The following PDE4D variants were observed in gnomAD, a reference collection of about 807,000 sequenced individuals.
PDE4D encodes the protein 3',5'-cyclic-AMP phosphodiesterase 4D.
A neutral mutation model predicts 87.4 loss-of-function variants in PDE4D; 24 were observed. The observed-to-expected ratio is 0.27, with a 90% CI of 0.20 to 0.39. The LOEUF is 0.39. PDE4D is among the 10% of genes least tolerant of loss of function. PDE4D has a pLI of 1.00. For synonymous variants in PDE4D, 384 were observed against 383.2 expected, an observed-to-expected ratio of 1.00 and a Z score of -0.02; for missense variants, 714 against 1,041.0, an observed-to-expected ratio of 0.69 and a Z score of 4.32.
chr5:60,347,740 T>A (rs1202383985), intron 1 of PDE4D, among the ~76,000 whole-genome samples: 1 of 152,072 alleles, frequency 6.6e-6, no homozygotes, highest in Non-Finnish European at 1.5e-5. Flanking sequence ...TCAGCCCACC[T>A]CTCATACCCT....
At chr5:59,786,359 A>G (rs1337349758) in intron 1 of PDE4D, among the ~76,000 whole-genome samples, 2 of 152,192 alleles carry the variant, frequency 1.3e-5, no homozygotes, top group Admixed American at 6.5e-5. Context: ...CTGTAGTCCA[A>G]TTGCTTCCAG....
At chr5:59,015,160 C>T (rs1331058724) in intron 6 of PDE4D, among the ~76,000 whole-genome samples, 1 of 152,068 alleles carries the variant, frequency 6.6e-6, no homozygotes, top group Non-Finnish European at 1.5e-5. Context: ...GTCCTAAAAC[C>T]ATAAAAACCC....
chr5:60,427,030 A>T (rs1043103524), intron 1 of PDE4D, among the ~76,000 whole-genome samples: 1 of 152,222 alleles, frequency 6.6e-6, no homozygotes, highest in African/African-American at 2.4e-5. Flanking sequence ...AGTGGGGAAA[A>T]TAATCAGGAA....
chr5:60,329,819 A>G (rs1757161356), intron 1 of PDE4D, among the ~76,000 whole-genome samples: 1 of 152,188 alleles, frequency 6.6e-6, no homozygotes, highest in South Asian at 2.1e-4. Context: ...TGTCAATGCA[A>G]TCTAAACTTG....
At chr5:59,529,205 A>G (rs1813706927) in intron 1 of PDE4D, 2 of 489,318 alleles carry the variant, frequency 4.1e-6, no homozygotes, top group African/African-American at 4.0e-5. Context: ...AGGAAAGAAA[A>G]ACTTATCCAG....
intron 1 of PDE4D, among the ~76,000 whole-genome samples, chr5:59,396,663 A>G (rs1789488394): frequency 8.7e-6 from 1 of 114,698 alleles, no homozygotes; most frequent in South Asian, 3.1e-4. Flanking sequence ...ACTAGGAAGA[A>G]ACTGCATCAA....
intron 2 of PDE4D, among the ~76,000 whole-genome samples, chr5:60,138,354 TG>T (rs1302645634): frequency 2.0e-5 from 3 of 152,168 alleles, no homozygotes; most frequent in African/African-American, 7.2e-5. Flanking sequence ...AAAGGAAGAA[TG>T]CTGTGGCATA....
intron 1 of PDE4D, among the ~76,000 whole-genome samples, chr5:59,324,243 T>C (rs1046527459): frequency 6.6e-6 from 1 of 152,180 alleles, no homozygotes. Flanking sequence ...GTAGCACTTA[T>C]GATACTATAG....
intron 3 of PDE4D, among the ~76,000 whole-genome samples, chr5:59,971,248 C>G (rs1561927217): frequency 6.7e-6 from 1 of 150,172 alleles, no homozygotes; most frequent in Non-Finnish European, 1.5e-5. Flanking sequence ...GGGAGATATA[C>G]CTAATGCTAG....
At chr5:60,393,360 TC>T (rs375958056) in intron 1 of PDE4D, among the ~76,000 whole-genome samples, 136 of 152,282 alleles carry the variant, frequency 8.9e-4, no homozygotes, top group African/African-American at 3.1e-3. Context: ...GCACATTGTG[TC>T]CAATACTTGA....
exon 3 of PDE4D, chr5:59,988,532 C>T: frequency 6.3e-7 from 1 of 1,599,162 alleles, no homozygotes; most frequent in Non-Finnish European, 8.5e-7. Flanking sequence ...GCAGAATCTT[C>T]AGGGGGAGGC....
At chr5:59,543,833 T>C (rs1816789086) in intron 1 of PDE4D, among the ~76,000 whole-genome samples, 1 of 152,156 alleles carries the variant, frequency 6.6e-6, no homozygotes, top group Non-Finnish European at 1.5e-5. Flanking sequence ...TGGAGATTTC[T>C]TAGAGAAAAA....
chr5:59,045,599 GA>G (rs1760494122), intron 5 of PDE4D, among the ~76,000 whole-genome samples: 1 of 123,062 alleles, frequency 8.1e-6, no homozygotes, highest in Admixed American at 8.0e-5. Flanking sequence ...TGTCAAAAAA[GA>G]AATAACCATG....
At chr5:59,655,711 G>A (rs1291977322) in intron 1 of PDE4D, among the ~76,000 whole-genome samples, 2 of 152,072 alleles carry the variant, frequency 1.3e-5, no homozygotes, top group Non-Finnish European at 2.9e-5. Context: ...GAGCTTTTCT[G>A]GCCCAACCAG....
chr5:59,722,289 GAA>G (rs2150563255), intron 1 of PDE4D, among the ~76,000 whole-genome samples: 1 of 152,304 alleles, frequency 6.6e-6, no homozygotes, highest in East Asian at 1.9e-4. Flanking sequence ...TAATGAGTGA[GAA>G]ATGTGCAAGT....
At chr5:59,466,226 TATTAAGA>T (rs772710734) in intron 1 of PDE4D, among the ~76,000 whole-genome samples, 7 of 152,316 alleles carry the variant, frequency 4.6e-5, no homozygotes, top group Admixed American at 2.6e-4. Context: ...CAATTAGAAT[TATTAAGA>T]ATTAAGTATG....
chr5:59,908,124 TTA>T (rs1263437756), intron 3 of PDE4D, among the ~76,000 whole-genome samples: 2 of 152,074 alleles, frequency 1.3e-5, no homozygotes, highest in Non-Finnish European at 2.9e-5. Context: ...GTTGATGAAA[TTA>T]AAGACTTGGT....
At chr5:59,466,145 C>G (rs1357807023) in intron 1 of PDE4D, among the ~76,000 whole-genome samples, 1 of 152,142 alleles carries the variant, frequency 6.6e-6, no homozygotes, top group Non-Finnish European at 1.5e-5. Context: ...AGTAATACAA[C>G]AAACTGAACC....
At chr5:59,678,722 A>T (rs1362918552) in intron 1 of PDE4D, among the ~76,000 whole-genome samples, 5 of 152,090 alleles carry the variant, frequency 3.3e-5, no homozygotes, top group African/African-American at 1.2e-4. Flanking sequence ...TGGCCTCCCA[A>T]AGTGCTGGGA....
Sources: gnomAD v4.1 joint callset for allele counts (sites outside exome capture counted in the v4.1 genomes callset) on GRCh38, gnomAD v4.1.1 for gene constraint, MANE v1.5 for transcripts, NCBI Gene and HGNC (gene_info 2026-07-23, HGNC 2026-07-21) for gene names.